TGFBI: variants seen among roughly 807,000 people sequenced by gnomAD.
The protein encoded by TGFBI is transforming growth factor beta induced.
Under a neutral mutation model 73.7 loss-of-function variants are expected in TGFBI, and 50 were observed. That is an observed-to-expected ratio of 0.68 (90% CI 0.54 to 0.86). TGFBI has a LOEUF of 0.86. Among genes scored for constraint, TGFBI ranks in the 40% least tolerant of loss-of-function variants. TGFBI has a pLI of 0.00. For missense variants in TGFBI, 839 were observed against 877.0 expected, an observed-to-expected ratio of 0.96 and a Z score of 0.55; for synonymous variants, 362 against 360.5, an observed-to-expected ratio of 1.00 and a Z score of -0.05.
intron 1 of TGFBI, among the ~76,000 whole-genome samples, chr5:136,033,067 C>T (rs528314946): frequency 2.0e-4 from 30 of 152,142 alleles, no homozygotes; most frequent in Non-Finnish European, 3.8e-4. Flanking sequence ...AACAACAGAA[C>T]AAGGCAGAAC....
Position 136,053,124 on chromosome 5 carries a change from G to T in TGFBI, c.1126+5G>T, listed in dbSNP as rs1415011606. Reference sequence around the variant, plus strand: ...AGCTACTCATCCCAGACTCAGGTAGGCCAGGCCTCCGGGGGCCTTGGCCCT... The same window carrying T: ...AGCTACTCATCCCAGACTCAGGTAGTCCAGGCCTCCGGGGGCCTTGGCCCT... On this transcript the variant is annotated splice_donor_5th_base_variant and intron_variant, in intron 8 of 16. Coordinates refer to ENST00000442011, the MANE Select transcript of TGFBI (RefSeq NM_000358.3). 6.2e-7 allele frequency: 1 copy of T among 1,613,370 alleles called. No homozygotes were observed. The highest frequency in any genetic ancestry group is 1.3e-5 in the African/African-American group (1 of 74,924).
intron 11 of TGFBI, 172 bp from the exon 12 acceptor site, chr5:136,056,484 CCTGGAATCA>C (rs1751633818): frequency 1.4e-6 from 1 of 694,742 alleles, no homozygotes; most frequent in Non-Finnish European, 2.4e-6. Flanking sequence ...AGAGCTGGAG[CCTGGAATCA>C]CTCCCTCTTT....
Position 136,046,676 on chromosome 5 carries a change from A to G in TGFBI, c.460-175A>G, listed in dbSNP as rs1192971714. 3.3e-6 allele frequency: 4 copies of G among 1,201,790 alleles called. No homozygotes were observed. In the African/African-American group the frequency reaches 6.2e-5, roughly 19 times the overall value. The allele number at this position is 1,201,790 out of a possible 1,614,324, so 74.4% of individuals were successfully genotyped here. On this transcript the variant is annotated intron_variant, in intron 4 of 16. Coordinates refer to ENST00000442011, the MANE Select transcript of TGFBI (RefSeq NM_000358.3). ...AATATGTCTTACCAGGTTGCGTCTA[A>G]TGCCCCCCGTTCCCTACTGGGCAGA...
chr5:136,036,246 T>G (rs759471554), intron 2 of TGFBI, among the ~76,000 whole-genome samples: 2 of 152,214 alleles, frequency 1.3e-5, no homozygotes, highest in Middle Eastern at 3.4e-3. Context: ...GGGTTCAGAG[T>G]GGACTCAGGC....
At chr5:136,050,392 C>T (rs576028249) in intron 7 of TGFBI, among the ~76,000 whole-genome samples, 20 of 151,612 alleles carry the variant, frequency 1.3e-4, no homozygotes, top group Non-Finnish European at 2.8e-4. Context: ...TTTCAGATTT[C>T]GTCATGCCCT....
chr5:136,036,438 T>G (rs979987346), intron 2 of TGFBI, among the ~76,000 whole-genome samples: 1 of 152,186 alleles, frequency 6.6e-6, no homozygotes, highest in African/African-American at 2.4e-5. Context: ...TCCTGGAACA[T>G]TACATGTAGT....
chr5:136,059,853 C>T (rs540002913), intron 13 of TGFBI, among the ~76,000 whole-genome samples: 13 of 152,306 alleles, frequency 8.5e-5, no homozygotes, highest in African/African-American at 3.1e-4. Context: ...CAGTTTCTCA[C>T]GAGGAGCATA....
chr5:136,045,547 A>AAAAT lies in TGFBI; in HGVS notation c.299-763_299-760dup, dbSNP rs148066214. 4.8e-3 allele frequency among the ~76,000 whole-genome samples: 727 copies of AAAAT among 152,068 alleles called. 5 individuals carry two copies. Among genetic ancestry groups the AAAAT allele is most frequent in the African/African-American group, 0.011 (447 of 41,450 alleles). ...GCAAGAAGAGCAAAACTCCATCTCA[A>AAAAT]AAATAAATAAATAAATAAATAAATA... On this transcript the variant is annotated intron_variant, in intron 3 of 16. Transcript: ENST00000442011.
In TGFBI at chr5:136,057,701, G is replaced by A. The variant is rs1201344738; in HGVS notation, c.1678+906G>A. Among the ~76,000 whole-genome samples the A allele has an allele frequency of 3.3e-5, 5 of 152,044 alleles. No homozygotes were observed. The South Asian group carries it at 6.2e-4, about 19-fold the overall frequency. On this transcript the variant is annotated intron_variant, in intron 12 of 16. Coordinates refer to ENST00000442011, the MANE Select transcript of TGFBI (RefSeq NM_000358.3). The stretch of plus-strand genomic sequence containing the variant: ...GAGGAAGGACCTTGACAAACCTTGG[G>A]GCCCACATTGTCTACACCTCCCTTC...
rs534142584 is a variant in TGFBI, at chr5:136,053,991, T to C, written c.1175T>C (p.Ile392Thr). The C allele has an allele frequency of 1.4e-5, 22 of 1,614,034 alleles. No individual in the cohort carries two copies. In the East Asian group the frequency reaches 4.7e-4, roughly 34 times the overall value. ...LAAESDVSTA[I>T]DLFRQAGLGN... ...GCAGAGTCTGATGTGTCCACAGCCA[T>C]TGACCTTTTCAGACAAGCCGGCCTC... Residue 392 changes from isoleucine to threonine, a missense_variant, in exon 9 of 17, where the codon ATT becomes ACT. Physicochemically the swap from Ile to Thr is moderately conservative, Grantham distance 89. Coordinates refer to ENST00000442011, the MANE Select transcript of TGFBI (RefSeq NM_000358.3).
At chr5:136,035,940 A>T (rs1265730428) in intron 2 of TGFBI, among the ~76,000 whole-genome samples, 1 of 152,194 alleles carries the variant, frequency 6.6e-6, no homozygotes, top group Non-Finnish European at 1.5e-5. Context: ...GCTGGGCTGA[A>T]GCATTTGCCC....
chr5:136,041,130 C>T lies in TGFBI; in HGVS notation c.234-2928C>T, dbSNP rs1751330177. ...TGGACTGCCAGCTTTGACACCTTCC[C>T]AGCCCACAGGCTGCTGCACTGGGGC... On this transcript the variant is annotated intron_variant, in intron 2 of 16. Transcript: ENST00000442011. 3.9e-5 allele frequency among the ~76,000 whole-genome samples: 6 copies of T among 152,256 alleles called. No individual in the cohort carries two copies. The South Asian group carries it at 1.2e-3, about 32-fold the overall frequency.
chr5:136,045,063 A>G (rs1031071072), intron 3 of TGFBI, among the ~76,000 whole-genome samples: 2 of 152,190 alleles, frequency 1.3e-5, no homozygotes, highest in Admixed American at 1.3e-4. Context: ...GTGGGTGAAG[A>G]ACCCACAGAT....
At chr5:136,059,317 TGCA>T in intron 13 of TGFBI, 103 bp downstream of exon 13, 1 of 1,471,272 alleles carries the variant, frequency 6.8e-7, no homozygotes, top group South Asian at 1.3e-5. Flanking sequence ...ACCTTCAAGT[TGCA>T]GCCCGAATCT....
intron 2 of TGFBI, among the ~76,000 whole-genome samples, chr5:136,043,338 G>A (rs1227141836): frequency 6.6e-6 from 1 of 152,162 alleles, no homozygotes; most frequent in Non-Finnish European, 1.5e-5. Flanking sequence ...AGTGGTCACT[G>A]TTTGTATATT....
chr5:136,031,913 A>C (rs1487869959), intron 1 of TGFBI, among the ~76,000 whole-genome samples: 1 of 152,228 alleles, frequency 6.6e-6, no homozygotes, highest in African/African-American at 2.4e-5. Flanking sequence ...AGCAGTGGAA[A>C]CATTCAGCAA....
chr5:136,056,564 C>T, intron 11 of TGFBI, 101 bp from the exon 12 acceptor site: 5 of 1,512,130 alleles, frequency 3.3e-6, no homozygotes, highest in Admixed American at 1.7e-5. Context: ...ACTCTACTAT[C>T]CTCAGTGGTG....
At chr5:136,042,090 G>A (rs573694323) in intron 2 of TGFBI, among the ~76,000 whole-genome samples, 1 of 152,166 alleles carries the variant, frequency 6.6e-6, no homozygotes, top group Non-Finnish European at 1.5e-5. Flanking sequence ...TAAGTTTGGG[G>A]GGACTTGACC....
At chr5:136,034,455 T>TA (rs1299108926) in intron 2 of TGFBI, among the ~76,000 whole-genome samples, 1 of 152,020 alleles carries the variant, frequency 6.6e-6, no homozygotes, top group Non-Finnish European at 1.5e-5. Flanking sequence ...ATGGGGTTGT[T>TA]ACAAGGATTG....
Sources: gnomAD v4.1 joint callset for allele counts (sites outside exome capture counted in the v4.1 genomes callset) on GRCh38, gnomAD v4.1.1 for gene constraint, MANE v1.5 for transcripts, NCBI Gene and HGNC (gene_info 2026-07-23, HGNC 2026-07-21) for gene names.